Variants in SLC39A11 observed in about 807,000 individuals in gnomAD.
The protein encoded by SLC39A11 is solute carrier family 39 member 11, also known as zinc transporter ZIP11.
In SLC39A11, 33 loss-of-function variants were observed where a neutral mutation model predicts 36.1. The ratio of observed to expected loss-of-function variants is 0.91; its 90% CI spans 0.69 to 1.22. SLC39A11 has a LOEUF of 1.22. Ranked by LOEUF, SLC39A11 falls within the 50% of genes most tolerant of loss-of-function variation. SLC39A11 has a pLI of 0.00. For synonymous variants in SLC39A11, 166 were observed against 170.3 expected, an observed-to-expected ratio of 0.97 and a Z score of 0.20; for missense variants, 432 against 430.3, an observed-to-expected ratio of 1.00 and a Z score of -0.03.
chr17:72,802,790 G>A (rs779919546), intron 6 of SLC39A11, among the ~76,000 whole-genome samples: 2 of 151,980 alleles, frequency 1.3e-5, no homozygotes, highest in Non-Finnish European at 2.9e-5. Flanking sequence ...AGGTGCCCTC[G>A]AGGAAGCCAG....
chr17:72,711,559 T>C (rs1223998170), intron 7 of SLC39A11, among the ~76,000 whole-genome samples: 2 of 152,208 alleles, frequency 1.3e-5, no homozygotes, highest in Non-Finnish European at 2.9e-5. Flanking sequence ...CATTATAAAT[T>C]TGGATTCTGT....
At chr17:72,956,174 C>A (rs866574400) in intron 4 of SLC39A11, among the ~76,000 whole-genome samples, 15 of 152,202 alleles carry the variant, frequency 9.9e-5, no homozygotes, top group African/African-American at 2.9e-4. Flanking sequence ...TAACATGAAA[C>A]TTCACAATGG....
At chr17:72,714,463 G>A (rs1274606373) in intron 7 of SLC39A11, among the ~76,000 whole-genome samples, 1 of 152,088 alleles carries the variant, frequency 6.6e-6, no homozygotes, top group Non-Finnish European at 1.5e-5. Context: ...GTTCAATAAT[G>A]GGTCGCCAAA....
intron 4 of SLC39A11, among the ~76,000 whole-genome samples, chr17:73,004,870 A>T (rs996091190): frequency 2.6e-5 from 4 of 151,138 alleles, no homozygotes; most frequent in Admixed American, 1.3e-4. Flanking sequence ...CGGCTCATGG[A>T]ATACCCAAAC....
intron 3 of SLC39A11, among the ~76,000 whole-genome samples, chr17:73,041,196 A>T (rs1157830851): frequency 1.3e-5 from 2 of 152,186 alleles, no homozygotes; most frequent in African/African-American, 4.8e-5. Flanking sequence ...CAAGCTTCCA[A>T]ATTCTCACTG....
chr17:72,832,413 C>G (rs1230688126), intron 6 of SLC39A11, among the ~76,000 whole-genome samples: 1 of 152,236 alleles, frequency 6.6e-6, no homozygotes, highest in African/African-American at 2.4e-5. Context: ...TCTCCCAAAC[C>G]GCCATGCTGA....
chr17:72,818,346 C>T (rs1396093697), intron 6 of SLC39A11, among the ~76,000 whole-genome samples: 1 of 152,164 alleles, frequency 6.6e-6, no homozygotes, highest in African/African-American at 2.4e-5. Flanking sequence ...TATCTTGTAG[C>T]TCCTTGGACA....
intron 5 of SLC39A11, among the ~76,000 whole-genome samples, chr17:72,921,999 A>G (rs1043805687): frequency 1.3e-5 from 2 of 152,224 alleles, no homozygotes; most frequent in Non-Finnish European, 2.9e-5. Context: ...TTATTCAATT[A>G]TAATTACAAA....
At chr17:72,667,602 G>C (rs2070813693) in intron 7 of SLC39A11, among the ~76,000 whole-genome samples, 1 of 152,168 alleles carries the variant, frequency 6.6e-6, no homozygotes, top group Admixed American at 6.5e-5. Flanking sequence ...CTCAGCACCT[G>C]CTGCTTTGCA....
chr17:73,057,840 C>T lies in SLC39A11; in HGVS notation c.148-26126G>A, dbSNP rs1003822783. 2.0e-5 allele frequency among the ~76,000 whole-genome samples: 3 copies of T among 152,212 alleles called. 1 individual carries two copies. The highest frequency in any genetic ancestry group is 6.8e-3 in the Middle Eastern group (2 of 294). On this transcript the variant is annotated intron_variant, in intron 3 of 9. Transcript: ENST00000255559. Reference sequence around the variant, plus strand: ...TAGTCCCAGCTACTTGGGAGGCTGACGCACAAGAATCGCTTGAACCCCAGA... The same window carrying T: ...TAGTCCCAGCTACTTGGGAGGCTGATGCACAAGAATCGCTTGAACCCCAGA...
At chr17:72,772,563 G>A (rs2075984973) in intron 6 of SLC39A11, among the ~76,000 whole-genome samples, 1 of 152,140 alleles carries the variant, frequency 6.6e-6, no homozygotes, top group Non-Finnish European at 1.5e-5. Context: ...CACCTGGCAG[G>A]AAGGAGTCAG....
At chr17:73,054,807 CAA>C (rs5821939) in intron 3 of SLC39A11, among the ~76,000 whole-genome samples, 11 of 113,184 alleles carry the variant, frequency 9.7e-5, no homozygotes, top group Non-Finnish European at 9.2e-5. Context: ...GATTCCGTCT[CAA>C]AAAAAAAAAA....
chr17:72,742,159 C>T (rs550136679), intron 6 of SLC39A11, among the ~76,000 whole-genome samples: 12 of 151,730 alleles, frequency 7.9e-5, no homozygotes, highest in African/African-American at 2.2e-4. Context: ...GCCAAGATCG[C>T]GCCACTGCAC....
At chr17:72,758,041 A>G (rs955054506) in intron 6 of SLC39A11, among the ~76,000 whole-genome samples, 7 of 152,064 alleles carry the variant, frequency 4.6e-5, no homozygotes, top group African/African-American at 1.7e-4. Context: ...TTGTGCCACC[A>G]TGCCTGGCTA....
intron 3 of SLC39A11, among the ~76,000 whole-genome samples, chr17:73,070,403 T>C (rs1447451837): frequency 6.6e-6 from 1 of 152,064 alleles, no homozygotes; most frequent in Non-Finnish European, 1.5e-5. Context: ...TCATCCAAGC[T>C]CCAGGGCCCC....
intron 6 of SLC39A11, 27 bp downstream of exon 6, chr17:72,849,607 C>T (rs1210409854): frequency 2.7e-6 from 4 of 1,464,648 alleles, no homozygotes; most frequent in Non-Finnish European, 3.6e-6. Context: ...CAGGCAGTGG[C>T]TGTCACGCTC....
At chr17:72,858,569 T>C (rs1254122005) in intron 5 of SLC39A11, among the ~76,000 whole-genome samples, 1 of 152,232 alleles carries the variant, frequency 6.6e-6, no homozygotes, top group Admixed American at 6.5e-5. Flanking sequence ...TTTGTGGCAG[T>C]ATAGGCATTT....
At chr17:72,800,633 C>T (rs991569961) in intron 6 of SLC39A11, among the ~76,000 whole-genome samples, 1 of 152,034 alleles carries the variant, frequency 6.6e-6, no homozygotes, top group Admixed American at 6.6e-5. Context: ...TTTAAAGCAG[C>T]CAAGAGACTT....
chr17:72,949,980 CACACACACACACACA>C, intron 4 of SLC39A11, among the ~76,000 whole-genome samples: 1 of 151,326 alleles, frequency 6.6e-6, no homozygotes, highest in Non-Finnish European at 1.5e-5. Context: ...CACACACACA[CACACACACACACACA>C]CCCCTTCTTG....
Sources: gnomAD v4.1 joint callset for allele counts (sites outside exome capture counted in the v4.1 genomes callset) on GRCh38, gnomAD v4.1.1 for gene constraint, MANE v1.5 for transcripts, NCBI Gene and HGNC (gene_info 2026-07-23, HGNC 2026-07-21) for gene names.